USP35: variants seen among roughly 807,000 people sequenced by gnomAD.
USP35 encodes the protein ubiquitin carboxyl-terminal hydrolase 35.
USP35 carries 69 observed loss-of-function variants against 83.8 expected under a neutral mutation model. The ratio of observed to expected loss-of-function variants is 0.82; its 90% CI spans 0.68 to 1.01. USP35 has a LOEUF of 1.01. Ranked by LOEUF, USP35 falls within the 50% of genes least tolerant of loss-of-function variation. The pLI is 0.00. For missense variants in USP35, 1,503 were observed against 1,362.5 expected (o/e 1.10, Z -1.62); for synonymous variants, 714 against 589.5 (o/e 1.21, Z -3.06).
the USP35 span, among the ~76,000 whole-genome samples, chr11:78,228,702 C>T: frequency 1.3e-5 from 2 of 152,244 alleles, no homozygotes; most frequent in Middle Eastern, 3.4e-3. Context: ...TTCACTGATG[C>T]TCCTCCTTGG....
chr11:78,222,341 TATA>T, the USP35 span: 1 of 627,650 alleles, frequency 1.6e-6, no homozygotes, highest in South Asian at 1.8e-5. Context: ...AGCGAGGTTG[TATA>T]ATCTTTGCCC....
rs1187850300 is a variant in USP35, at chr11:78,189,161, AGGGGGTTGG to A, written c.-11+8_-11+16del. 1 of 170,502 alleles carries A rather than the reference AGGGGGTTGG, an allele frequency of 5.9e-6. No individual in the cohort carries two copies. Among genetic ancestry groups the A allele is most frequent in the Non-Finnish European group, 1.2e-5 (1 of 85,022 alleles). The allele number at this position is 170,502 out of a possible 1,614,324, so 10.6% of individuals were successfully genotyped here. A position where few individuals can be genotyped will look rare whatever the true frequency, so the allele number is the denominator to read the frequency against. On this transcript the variant is annotated splice_donor_5th_base_variant and intron_variant, in intron 1 of 10. Coordinates refer to ENST00000529308, the MANE Select transcript of USP35 (RefSeq NM_020798.4). The stretch of plus-strand genomic sequence containing the variant: ...CTGGCCCACCGGGGTCCGGGAGGTA[AGGGGGTTGG>A]GGGCGTGTGACTGTCTTTGGGGGGC...
intron 8 of USP35, among the ~76,000 whole-genome samples, chr11:78,208,474 C>A: frequency 6.6e-6 from 1 of 152,016 alleles, no homozygotes; most frequent in Middle Eastern, 3.2e-3. Context: ...CTCCCTGGCT[C>A]ATGGAGGGAA....
At chr11:78,217,044 C>T (rs1246012500), downstream of USP35, 1 of 152,604 alleles carries the variant, frequency 6.6e-6, no homozygotes, top group Non-Finnish European at 1.5e-5. Context: ...TCCACTGGAC[C>T]CAAGCCCTGC....
In USP35 at chr11:78,215,129, T is replaced by C. The variant is rs1864053811; in HGVS notation, c.*1316T>C. Among the ~76,000 whole-genome samples, 1 of 152,160 alleles carries C rather than the reference T, an allele frequency of 6.6e-6. No homozygotes were observed. Among genetic ancestry groups the C allele is most frequent in the South Asian group, 2.1e-4 (1 of 4,832 alleles). ...AAAGCTGGATGGGTAAATGCTAGTA[T>C]GATTTCCACTTTACAACAGACGCTG... is the stretch of plus-strand genomic sequence containing the variant. On this transcript the variant is annotated 3_prime_UTR_variant, in exon 11 of 11. Transcript: ENST00000529308.
rs369113312 is a variant in USP35 at position 78,213,995 on chromosome 11, T to C, written c.*182T>C. 89 of 634,664 alleles carry C rather than the reference T, an allele frequency of 1.4e-4. 1 individual carries two copies. The highest frequency in any genetic ancestry group is 1.3e-3 in the African/African-American group (68 of 51,894). The allele number at this position is 634,664 out of a possible 1,614,324, so 39.3% of individuals were successfully genotyped here. A position where few individuals can be genotyped will look rare whatever the true frequency, so the allele number is the denominator to read the frequency against. The stretch of plus-strand genomic sequence containing the variant: ...GGAAGTAAGACCTAAGTCCCTTTCA[T>C]TGGGGATCAGTCCCATTAAAACTTT... On this transcript the variant is annotated 3_prime_UTR_variant, in exon 11 of 11. Coordinates refer to ENST00000529308, the MANE Select transcript of USP35 (RefSeq NM_020798.4).
At chr11:78,215,614 G>A (rs1407344205), downstream of USP35, 4 of 152,300 alleles carry the variant, frequency 2.6e-5, no homozygotes, top group Admixed American at 1.3e-4. Flanking sequence ...AATTCTGCGT[G>A]AAATAATTCT....
chr11:78,199,595 G>T lies in USP35; in HGVS notation c.807G>T (p.Arg269Ser). ...TDSQMLTAIS[R>S]MIDWVSWPLG... ...GTGTCACTGTCACTCCCCTCACCAGGATGATTGACTGGGTGTCCTGGCCCC... is the reference window on the plus strand; with the variant it reads ...GTGTCACTGTCACTCCCCTCACCAGTATGATTGACTGGGTGTCCTGGCCCC... Residue 269 changes from arginine (R) to serine (S), a missense_variant and splice_region_variant, in exon 4 of 11, where the codon AGG (arginine) becomes AGT (serine). Arg to Ser is a moderately radical substitution (Grantham distance 110). Coordinates refer to ENST00000529308, the MANE Select transcript of USP35 (RefSeq NM_020798.4). 6.2e-7 allele frequency: 1 copy of T among 1,614,182 alleles called. No homozygotes were observed.
chr11:78,198,010 C>A lies in USP35; in HGVS notation c.748C>A (p.Arg250=). The part of the protein sequence containing the change: ...LPLELMDGVV[R]NLSNDDSVTD... ...ATTGGAGCTCATGGATGGTGTTGTC[C>A]GGAACCTCAGCAATGATGACAGTGT... is the stretch of plus-strand genomic sequence containing the variant. Residue 250 remains arginine (R), a synonymous_variant, in exon 3 of 11, where the codon CGG becomes AGG. Coordinates refer to ENST00000529308, the MANE Select transcript of USP35 (RefSeq NM_020798.4). The A allele has an allele frequency of 2.5e-6, 4 of 1,614,230 alleles. No individual in the cohort carries two copies. The highest frequency in any genetic ancestry group is 3.4e-6 in the Non-Finnish European group (4 of 1,180,038).
Position 78,200,427 on chromosome 11 carries a change from A to G in USP35, c.1038+193A>G, listed in dbSNP as rs534434780. The stretch of plus-strand genomic sequence containing the variant: ...CTGTGAGGAGAGGAGTAGTCATCCT[A>G]TTTTGCAGATGAAGAAACTGAGGCA... On this transcript the variant is annotated intron_variant, in intron 5 of 10. Transcript: ENST00000529308. Among the ~76,000 whole-genome samples the G allele has an allele frequency of 2.0e-4, 31 of 152,194 alleles. 2 individuals are homozygous for G. In the South Asian group the frequency reaches 5.6e-3, roughly 28 times the overall value.
the USP35 span, among the ~76,000 whole-genome samples, chr11:78,229,917 C>T: frequency 6.6e-6 from 1 of 152,196 alleles, no homozygotes; most frequent in Admixed American, 6.5e-5. Context: ...TTTTTTAAGG[C>T]CATTCTTACA....
In USP35 at chr11:78,196,976, G is replaced by T. The variant is rs1863172570; in HGVS notation, c.673+58G>T. On this transcript the variant is annotated intron_variant, in intron 2 of 10. Coordinates refer to ENST00000529308, the MANE Select transcript of USP35 (RefSeq NM_020798.4). The surrounding 1 kb of genome is among the most constrained non-coding windows in gnomAD (Gnocchi z 4.8). Reference sequence around the variant, plus strand: ...TGCGGAGGTCCTGGGTGGGCGCTTGGGTAGGTGGCTGTACGTGTGGATTTG... The same window carrying T: ...TGCGGAGGTCCTGGGTGGGCGCTTGTGTAGGTGGCTGTACGTGTGGATTTG... 7.0e-7 allele frequency: 1 copy of T among 1,423,720 alleles called. No individual in the cohort carries two copies. The highest frequency in any genetic ancestry group is 9.1e-7 in the Non-Finnish European group (1 of 1,094,106). 88.2% of individuals were successfully genotyped at this position (1,423,720 alleles called of 1,614,324 possible).
At chr11:78,221,048 G>C in the USP35 span, among the ~76,000 whole-genome samples, 4 of 152,200 alleles carry the variant, frequency 2.6e-5, no homozygotes, top group African/African-American at 9.7e-5. Flanking sequence ...TTCTTCAGAT[G>C]ACACGCTCTA....
the USP35 span, chr11:78,226,905 C>A: frequency 6.2e-7 from 1 of 1,614,008 alleles, no homozygotes; most frequent in Non-Finnish European, 8.5e-7. Context: ...TGTATTGTGC[C>A]GGCTCGGCTT....
downstream of USP35, chr11:78,216,230 G>C (rs11543007): frequency 1.3e-5 from 2 of 152,402 alleles, no homozygotes; most frequent in African/African-American, 4.8e-5. Flanking sequence ...ACTTAACCTT[G>C]CAGAAGTGGA....
rs1863276222 is a variant in USP35 at position 78,199,686 on chromosome 11, A to G, written c.898A>G (p.Ser300Gly). Reference protein sequence around the residue: ...LKGLAAVKKFSILIEVSLTKI... With the variant: ...LKGLAAVKKFGILIEVSLTKI... ...GGGCCTGGCTGCTGTTAAGAAGTTCAGCATCTTGATCGAGGTTTCGCTCAC... is the reference window on the plus strand; with the variant it reads ...GGGCCTGGCTGCTGTTAAGAAGTTCGGCATCTTGATCGAGGTTTCGCTCAC... Residue 300 changes from serine to glycine, a missense_variant, in exon 4 of 11, where the codon AGC (serine) becomes GGC (glycine). Physicochemically the swap from Ser to Gly is moderately conservative, Grantham distance 56. Transcript: ENST00000529308. The G allele has an allele frequency of 2.5e-6, 4 of 1,614,092 alleles. No homozygotes were observed. The highest frequency in any genetic ancestry group is 3.4e-6 in the Non-Finnish European group (4 of 1,180,036).
chr11:78,200,154 C>G lies in USP35; in HGVS notation c.958C>G (p.Pro320Ala), dbSNP rs1010990616. ...IEKVFSKLLY[P>A]IVRGAALSVL... ...GTAGGTTTTCTCTAAGCTGCTGTACCCCATCGTCCGGGGAGCTGCCTTGTC... is the reference window on the plus strand; with the variant it reads ...GTAGGTTTTCTCTAAGCTGCTGTACGCCATCGTCCGGGGAGCTGCCTTGTC... The change falls in exon 5 of 11, where the codon CCC becomes GCC. Residue 320 changes from proline to alanine, a missense_variant. Transcript: ENST00000529308. The G allele has an allele frequency of 6.2e-7, 1 of 1,614,172 alleles. No individual in the cohort carries two copies. Among genetic ancestry groups the G allele is most frequent in the Non-Finnish European group, 8.5e-7 (1 of 1,180,028 alleles).
At chr11:78,206,442 A>C (rs774458167) in intron 7 of USP35, among the ~76,000 whole-genome samples, 3 of 152,198 alleles carry the variant, frequency 2.0e-5, no homozygotes, top group Non-Finnish European at 4.4e-5. Context: ...CTTATGGCTT[A>C]CTTAAAAGAT....
intron 10 of USP35, 33 bp downstream of exon 10, chr11:78,210,777 T>G: frequency 6.6e-7 from 1 of 1,503,764 alleles, no homozygotes; most frequent in African/African-American, 1.4e-5. Context: ...TGATCTGATC[T>G]CTTGGTGGAG....
Sources: allele counts gnomAD v4.1 joint callset (sites outside exome capture counted in the v4.1 genomes callset), GRCh38; gene constraint gnomAD v4.1.1; non-coding constraint Gnocchi (gnomAD v3.1); transcripts MANE v1.5; gene names NCBI Gene and HGNC (gene_info 2026-07-23, HGNC 2026-07-21).